MSRB3: variants seen among roughly 807,000 people sequenced by gnomAD.
MSRB3 encodes the protein methionine sulfoxide reductase B3.
Under a neutral mutation model 21.0 loss-of-function variants are expected in MSRB3, and 13 were observed. The ratio of observed to expected loss-of-function variants is 0.62; its 90% CI spans 0.40 to 0.98. The LOEUF is 0.98. Ranked by LOEUF, MSRB3 falls within the 50% of genes least tolerant of loss-of-function variation. MSRB3 has a pLI of 0.00. For missense variants in MSRB3, 199 were observed against 230.3 expected, an observed-to-expected ratio of 0.86 and a Z score of 0.88; for synonymous variants, 87 against 88.6, an observed-to-expected ratio of 0.98 and a Z score of 0.10.
intron 5 of MSRB3, among the ~76,000 whole-genome samples, chr12:65,416,754 G>A (rs1453632994): frequency 1.3e-5 from 2 of 152,168 alleles, no homozygotes; most frequent in Non-Finnish European, 2.9e-5. Context: ...CATCATATAT[G>A]CAGTCCATAG....
At chr12:65,356,609 T>C (rs1440418386) in intron 4 of MSRB3, among the ~76,000 whole-genome samples, 1 of 151,930 alleles carries the variant, frequency 6.6e-6, no homozygotes, top group African/African-American at 2.4e-5. Context: ...AAATTACTAA[T>C]ATAAACAAAT....
chr12:65,426,553 A>G (rs568044740), intron 5 of MSRB3, among the ~76,000 whole-genome samples: 1 of 152,256 alleles, frequency 6.6e-6, no homozygotes, highest in South Asian at 2.1e-4. Context: ...GATTGATGAT[A>G]TTTATTACCT....
chr12:65,421,397 C>T (rs936114827), intron 5 of MSRB3, among the ~76,000 whole-genome samples: 1 of 152,074 alleles, frequency 6.6e-6, no homozygotes, highest in Non-Finnish European at 1.5e-5. Flanking sequence ...CAAATATTTT[C>T]TCCCACTCTG....
chr12:65,394,410 T>C (rs1879664985), intron 5 of MSRB3, among the ~76,000 whole-genome samples: 2 of 152,176 alleles, frequency 1.3e-5, no homozygotes, highest in South Asian at 4.1e-4. Context: ...TAGGATATAC[T>C]TGTAACTGAA....
At chr12:65,330,904 G>C (rs184992246) in intron 4 of MSRB3, among the ~76,000 whole-genome samples, 2 of 152,244 alleles carry the variant, frequency 1.3e-5, no homozygotes, top group African/African-American at 4.8e-5. Context: ...AGGCTGCCAT[G>C]AGAACATGTA....
chr12:65,438,647 A>T (rs1882228874), intron 5 of MSRB3, among the ~76,000 whole-genome samples: 4 of 151,918 alleles, frequency 2.6e-5, no homozygotes, highest in African/African-American at 9.7e-5. Context: ...TCTACAGGAG[A>T]GGAAGGCAGA....
At chr12:65,299,912 G>A (rs1031846451) in intron 1 of MSRB3, among the ~76,000 whole-genome samples, 1 of 152,190 alleles carries the variant, frequency 6.6e-6, no homozygotes, top group Admixed American at 6.5e-5. Context: ...TTATGACTAT[G>A]TGCACATCGA....
intron 5 of MSRB3, among the ~76,000 whole-genome samples, chr12:65,377,890 C>A (rs548708824): frequency 1.3e-5 from 2 of 152,170 alleles, no homozygotes; most frequent in African/African-American, 4.8e-5. Flanking sequence ...TATCACTTTT[C>A]CTCTTCTGAG....
intron 2 of MSRB3, among the ~76,000 whole-genome samples, chr12:65,322,777 A>G (rs1290922602): frequency 1.3e-5 from 2 of 151,932 alleles, no homozygotes; most frequent in African/African-American, 4.8e-5. Context: ...TTAATAAGGT[A>G]TGTTATAACC....
intron 1 of MSRB3, among the ~76,000 whole-genome samples, chr12:65,300,621 TAATTCTCTAAGCTTCAGTTTCAATTGGA>T (rs1245886005): frequency 6.6e-6 from 1 of 152,214 alleles, no homozygotes. Flanking sequence ...CTCAAGCAGG[TAATTCTCTAAGCTTCAGTTTCAATTGGA>T]ACAAATAGCC....
intron 5 of MSRB3, among the ~76,000 whole-genome samples, chr12:65,435,143 C>T (rs797005160): frequency 2.1e-4 from 32 of 151,944 alleles, no homozygotes; most frequent in African/African-American, 7.2e-4. Flanking sequence ...AATTAAGAGA[C>T]AGGAACATAT....
At chr12:65,459,969 G>A (rs1367345679) in intron 6 of MSRB3, among the ~76,000 whole-genome samples, 2 of 152,128 alleles carry the variant, frequency 1.3e-5, no homozygotes, top group Admixed American at 1.3e-4. Context: ...ATTGTTGTGA[G>A]AATTCAAATT....
intron 5 of MSRB3, among the ~76,000 whole-genome samples, chr12:65,411,311 G>A (rs909281830): frequency 6.6e-6 from 1 of 152,162 alleles, no homozygotes; most frequent in Non-Finnish European, 1.5e-5. Flanking sequence ...GGGAATGTGA[G>A]CCTTCCATGG....
intron 1 of MSRB3, among the ~76,000 whole-genome samples, chr12:65,292,678 G>A (rs113467461): frequency 0.016 from 2,458 of 151,594 alleles, 69 homozygotes; most frequent in African/African-American, 0.056. Context: ...CACATCTACC[G>A]CTCAGCCCAG....
At chr12:65,391,954 T>C (rs1879505364) in intron 5 of MSRB3, among the ~76,000 whole-genome samples, 1 of 152,138 alleles carries the variant, frequency 6.6e-6, no homozygotes, top group South Asian at 2.1e-4. Context: ...CCTTGAATGA[T>C]AAAACTCTCA....
intron 1 of MSRB3, chr12:65,284,495 G>T (rs1244919539): frequency 6.6e-6 from 1 of 152,224 alleles, no homozygotes; most frequent in African/African-American, 2.4e-5. Context: ...AGGTTTGTGG[G>T]TGGAGGTAAA....
intron 4 of MSRB3, among the ~76,000 whole-genome samples, chr12:65,341,708 AAAAAG>A (rs1876155551): frequency 6.6e-6 from 1 of 152,022 alleles, no homozygotes; most frequent in Non-Finnish European, 1.5e-5. Flanking sequence ...ATTAAAAATA[AAAAAG>A]AAAATAGATG....
chr12:65,396,694 AAAAAAAAAAAAAAG>A (rs1243790746), intron 5 of MSRB3, among the ~76,000 whole-genome samples: 8 of 29,262 alleles, frequency 2.7e-4, no homozygotes, highest in South Asian at 3.2e-3. Context: ...TCCATCTCAA[AAAAAAAAAAAAAAG>A]AAAGAAAGAA....
chr12:65,306,361 A>C (rs560649863), intron 1 of MSRB3, among the ~76,000 whole-genome samples: 29 of 152,334 alleles, frequency 1.9e-4, no homozygotes, highest in African/African-American at 6.0e-4. Context: ...TAACCAAGGC[A>C]TCCAGATGCA....
Sources: gnomAD v4.1 joint callset for allele counts (sites outside exome capture counted in the v4.1 genomes callset) on GRCh38, gnomAD v4.1.1 for gene constraint, MANE v1.5 for transcripts, NCBI Gene and HGNC (gene_info 2026-07-23, HGNC 2026-07-21) for gene names.